The following USP15 variants were observed in gnomAD, a reference collection of about 807,000 sequenced individuals.
USP15 encodes the protein ubiquitin specific peptidase 15.
In USP15, 18 loss-of-function variants were observed where a neutral mutation model predicts 127.1. That is an observed-to-expected ratio of 0.14 (90% CI 0.10 to 0.21). The LOEUF is 0.21. USP15 is among the 10% of genes least tolerant of loss of function. USP15 has a pLI of 1.00. For synonymous variants in USP15, 364 were observed against 393.7 expected, an observed-to-expected ratio of 0.92 and a Z score of 0.89; for missense variants, 805 against 1,159.9, an observed-to-expected ratio of 0.69 and a Z score of 4.44.
intron 7 of USP15, among the ~76,000 whole-genome samples, chr12:62,353,972 G>C (rs886413711): frequency 6.6e-6 from 1 of 151,946 alleles, no homozygotes; most frequent in South Asian, 2.1e-4. Flanking sequence ...TTTTATCTCA[G>C]GGTGGATTAT....
In USP15 at chr12:62,388,108, ATGG is replaced by A. The variant is rs1226719547; in HGVS notation, c.1474-1320_1474-1318del. Among the ~76,000 whole-genome samples the A allele has an allele frequency of 3.4e-5, 5 of 148,744 alleles. No individual in the cohort carries two copies. In the South Asian group the frequency reaches 8.4e-4, roughly 25 times the overall value. On this transcript the variant is annotated intron_variant, in intron 11 of 21. Coordinates refer to ENST00000280377, the MANE Select transcript of USP15 (RefSeq NM_001252078.2). ...AGTAGTGAAATAGGAAGCCTAAAGA[ATGG>A]TGAAGATTTTTTTTTTTTTTTTTTT...
intron 8 of USP15, among the ~76,000 whole-genome samples, chr12:62,368,544 A>T (rs1021974976): frequency 6.6e-6 from 1 of 152,128 alleles, no homozygotes; most frequent in Non-Finnish European, 1.5e-5. Context: ...TGATGCATTG[A>T]TCCTTTACCA....
At chr12:62,341,133 CTTCT>C (rs1022582523) in intron 6 of USP15, among the ~76,000 whole-genome samples, 24 of 151,904 alleles carry the variant, frequency 1.6e-4, no homozygotes, top group African/African-American at 5.1e-4. Context: ...ATGTAATGCC[CTTCT>C]TTGTCTTTTT....
chr12:62,281,161 A>G (rs2063634902), intron 1 of USP15, among the ~76,000 whole-genome samples: 1 of 152,170 alleles, frequency 6.6e-6, no homozygotes, highest in African/African-American at 2.4e-5. Flanking sequence ...TATAGTTTTT[A>G]CAGTGCAACA....
chr12:62,289,691 G>A (rs113548534), intron 1 of USP15, among the ~76,000 whole-genome samples: 94 of 120,942 alleles, frequency 7.8e-4, no homozygotes, highest in African/African-American at 2.3e-3. Context: ...ACATTAGGTT[G>A]TTAATTTGTG....
In USP15 at chr12:62,300,724, G is replaced by A. The variant is rs76976076; in HGVS notation, c.218-2066G>A. ...ATCTGTTTGCAAAAAACTGAATTTT[G>A]ATGCATACATGGCACTGTATACAGT... On this transcript the variant is annotated intron_variant, in intron 2 of 21. Transcript: ENST00000280377. Among the ~76,000 whole-genome samples the A allele has an allele frequency of 3.1e-3, 472 of 152,220 alleles. 1 individual carries two copies. Among genetic ancestry groups the A allele is most frequent in the African/African-American group, 9.9e-3 (410 of 41,558 alleles).
At chr12:62,289,695 ATTTGTGTGTG>A (rs1260861727) in intron 1 of USP15, among the ~76,000 whole-genome samples, 1 of 37,618 alleles carries the variant, frequency 2.7e-5, no homozygotes, top group Admixed American at 2.5e-4. Context: ...TAGGTTGTTA[ATTTGTGTGTG>A]TGTGTGTGTG....
At chr12:62,322,825 T>C (rs1407662049) in intron 5 of USP15, among the ~76,000 whole-genome samples, 1 of 152,168 alleles carries the variant, frequency 6.6e-6, no homozygotes, top group Non-Finnish European at 1.5e-5. Context: ...ATCTTTGTTT[T>C]GTGGTTTATA....
At chr12:62,368,660 G>A (rs1164535121) in intron 8 of USP15, among the ~76,000 whole-genome samples, 1 of 151,986 alleles carries the variant, frequency 6.6e-6, no homozygotes, top group Non-Finnish European at 1.5e-5. Flanking sequence ...CATTTGGTTG[G>A]TAAATATTCT....
At chr12:62,294,948 C>A (rs1592520765) in intron 2 of USP15, among the ~76,000 whole-genome samples, 1 of 152,128 alleles carries the variant, frequency 6.6e-6, no homozygotes, top group African/African-American at 2.4e-5. Context: ...GTAAGCCCTC[C>A]AACTGCCTTC....
chr12:62,286,950 A>AG (rs1164556593), intron 1 of USP15, among the ~76,000 whole-genome samples: 5 of 151,914 alleles, frequency 3.3e-5, no homozygotes, highest in African/African-American at 9.7e-5. Context: ...AAAAAAAAAA[A>AG]AAGTGATACA....
intron 20 of USP15, 104 bp from the exon 21 acceptor site, chr12:62,401,083 A>G (rs993211740): frequency 1.7e-6 from 1 of 583,744 alleles, no homozygotes; most frequent in East Asian, 3.2e-5. Flanking sequence ...ATAGATGATT[A>G]TCAGTGTTAA....
intron 19 of USP15, among the ~76,000 whole-genome samples, chr12:62,394,851 C>CA (rs751952712): frequency 0.014 from 1,298 of 95,136 alleles, 7 homozygotes; most frequent in Middle Eastern, 0.033. Context: ...GACTCCCTCT[C>CA]AAAAAAAAAA....
At chr12:62,338,066 A>G (rs2065529448) in intron 6 of USP15, among the ~76,000 whole-genome samples, 1 of 152,220 alleles carries the variant, frequency 6.6e-6, no homozygotes, top group African/African-American at 2.4e-5. Context: ...ACTGTCTTCC[A>G]CAATGGTTGA....
intron 3 of USP15, among the ~76,000 whole-genome samples, chr12:62,306,982 T>G (rs2064504191): frequency 6.6e-6 from 1 of 152,136 alleles, no homozygotes. Context: ...ATGTGGCTTC[T>G]AAGAACAGGA....
chr12:62,283,833 T>C (rs1026103584), intron 1 of USP15, among the ~76,000 whole-genome samples: 3 of 152,118 alleles, frequency 2.0e-5, no homozygotes, highest in African/African-American at 7.2e-5. Context: ...TCCCAGCTAC[T>C]CTGGAGGCTG....
chr12:62,385,297 T>C (rs1343978951), intron 11 of USP15, among the ~76,000 whole-genome samples: 1 of 151,884 alleles, frequency 6.6e-6, no homozygotes, highest in East Asian at 1.9e-4. Flanking sequence ...CTGTAAATTT[T>C]TAGCCAAATA....
Position 62,410,789 on chromosome 12 carries a change from A to T in USP15, c.*6414A>T, listed in dbSNP as rs1459866006. 6.6e-6 allele frequency: 1 copy of T among 151,868 alleles called. No individual in the cohort carries two copies. The highest frequency in any genetic ancestry group is 1.5e-5 in the Non-Finnish European group (1 of 67,996). The allele number at this position is 151,868 out of a possible 1,614,324, so 9.4% of individuals were successfully genotyped here. A position where few individuals can be genotyped will look rare whatever the true frequency, so the allele number is the denominator to read the frequency against. On this transcript the variant is annotated 3_prime_UTR_variant, in exon 22 of 22. Coordinates refer to ENST00000280377, the MANE Select transcript of USP15 (RefSeq NM_001252078.2). Reference sequence around the variant, plus strand: ...TTTGAAGCTGTCGTTAAAAGTATATATTTTTAGCAAAGGAATTAATAACTA... The same window carrying T: ...TTTGAAGCTGTCGTTAAAAGTATATTTTTTTAGCAAAGGAATTAATAACTA...
intron 20 of USP15, among the ~76,000 whole-genome samples, chr12:62,398,306 T>C (rs965265563): frequency 2.6e-5 from 4 of 152,318 alleles, no homozygotes; most frequent in Admixed American, 1.3e-4. Context: ...ATGTATTTAT[T>C]CTGTCTAATT....
Sources: allele counts gnomAD v4.1 joint callset (sites outside exome capture counted in the v4.1 genomes callset), GRCh38; gene constraint gnomAD v4.1.1; transcripts MANE v1.5; gene names NCBI Gene and HGNC (gene_info 2026-07-23, HGNC 2026-07-21).